CCDC171: variants seen among roughly 807,000 people sequenced by gnomAD.
CCDC171 encodes the protein coiled-coil domain containing 171, also known as coiled-coil domain-containing protein 171.
A neutral mutation model predicts 168.2 loss-of-function variants in CCDC171; 177 were observed. The ratio of observed to expected loss-of-function variants is 1.05; its 90% CI spans 0.93 to 1.19. The LOEUF (loss-of-function observed/expected upper bound fraction) is 1.19, where lower values mean the gene tolerates loss of function less well. Among genes scored for constraint, CCDC171 ranks in the 50% most tolerant of loss-of-function variants. The pLI, the probability that CCDC171 is intolerant of heterozygous loss-of-function variation, is 0.00. For missense variants in CCDC171, 1,991 were observed against 1,539.0 expected (o/e 1.29, Z -4.91); for synonymous variants, 687 against 540.8 (o/e 1.27, Z -3.75).
chr9:15,783,378 AT>A (rs1238802062), intron 20 of CCDC171, among the ~76,000 whole-genome samples: 2 of 152,120 alleles, frequency 1.3e-5, no homozygotes, highest in Admixed American at 6.5e-5. Context: ...AATCAAAAGG[AT>A]TTTTTTCACT....
intron 21 of CCDC171, among the ~76,000 whole-genome samples, chr9:15,825,257 A>G (rs1304971832): frequency 6.6e-6 from 1 of 152,150 alleles, no homozygotes; most frequent in Middle Eastern, 3.2e-3. Flanking sequence ...AACTAAAAAT[A>G]TAGACAAGGA....
chr9:15,835,976 T>C (rs2060429318), intron 21 of CCDC171, among the ~76,000 whole-genome samples: 2 of 152,166 alleles, frequency 1.3e-5, no homozygotes, highest in Non-Finnish European at 2.9e-5. Flanking sequence ...ATTATTTTTC[T>C]ATAATGTCCT....
intron 3 of CCDC171, among the ~76,000 whole-genome samples, chr9:15,991,190 A>G (rs984844875): frequency 3.9e-5 from 6 of 152,234 alleles, no homozygotes; most frequent in African/African-American, 1.4e-4. Context: ...AGCACTCCAC[A>G]GCAAATTTAA....
At chr9:15,778,617 G>A (rs1229769764) in intron 19 of CCDC171, among the ~76,000 whole-genome samples, 2 of 100,588 alleles carry the variant, frequency 2.0e-5, no homozygotes, top group African/African-American at 3.4e-5. Flanking sequence ...CTGTACTCCA[G>A]CCTGGCCTAC....
intron 24 of CCDC171, among the ~76,000 whole-genome samples, chr9:15,880,575 G>C (rs539008916): frequency 1.3e-5 from 2 of 149,602 alleles, no homozygotes; most frequent in South Asian, 4.2e-4. Context: ...TCCTGCCTCA[G>C]ACTCCTGAGT....
At chr9:15,902,475 T>C (rs1371834133) in intron 24 of CCDC171, among the ~76,000 whole-genome samples, 1 of 152,202 alleles carries the variant, frequency 6.6e-6, no homozygotes, top group Non-Finnish European at 1.5e-5. Context: ...TAGGTAGTAT[T>C]GAAACATGAA....
chr9:15,892,669 T>C (rs1198392635), intron 24 of CCDC171, among the ~76,000 whole-genome samples: 1 of 152,010 alleles, frequency 6.6e-6, no homozygotes, highest in Non-Finnish European at 1.5e-5. Flanking sequence ...CATGAATGAA[T>C]TTCCATTCAC....
chr9:15,829,210 G>C (rs933009599), intron 21 of CCDC171, among the ~76,000 whole-genome samples: 7 of 152,156 alleles, frequency 4.6e-5, no homozygotes, highest in Admixed American at 3.3e-4. Context: ...GTTATAGCAG[G>C]AATCTGTATT....
At chr9:15,624,582 A>G (rs984740849) in intron 7 of CCDC171, among the ~76,000 whole-genome samples, 11 of 151,998 alleles carry the variant, frequency 7.2e-5, no homozygotes, top group Non-Finnish European at 1.5e-4. Context: ...CTGTCCTTGC[A>G]ATAGTTTGCT....
intron 23 of CCDC171, among the ~76,000 whole-genome samples, chr9:15,866,587 A>C (rs2061797529): frequency 6.6e-6 from 1 of 152,048 alleles, no homozygotes; most frequent in African/African-American, 2.4e-5. Flanking sequence ...TTTTGGAAAT[A>C]CTGAATGTAA....
At chr9:16,103,462 T>A in the CCDC171 span, among the ~76,000 whole-genome samples, 4 of 152,242 alleles carry the variant, frequency 2.6e-5, no homozygotes, top group Non-Finnish European at 5.9e-5. Context: ...TGAGGGATAC[T>A]GGCATAAAAG....
the CCDC171 span, among the ~76,000 whole-genome samples, chr9:16,089,120 C>G: frequency 6.6e-6 from 1 of 152,072 alleles, no homozygotes; most frequent in Non-Finnish European, 1.5e-5. Flanking sequence ...AAAATATTCC[C>G]TATTTAATAA....
chr9:15,888,508 C>T (rs1055895813), intron 24 of CCDC171, among the ~76,000 whole-genome samples: 5 of 152,188 alleles, frequency 3.3e-5, no homozygotes, highest in Admixed American at 6.5e-5. Context: ...TTATTTACAC[C>T]ATTTAATTTT....
intron 16 of CCDC171, among the ~76,000 whole-genome samples, chr9:15,740,922 G>T (rs1358674144): frequency 6.6e-6 from 1 of 152,112 alleles, no homozygotes; most frequent in African/African-American, 2.4e-5. Context: ...GATGAGTTAG[G>T]CTGTTGAAGT....
chr9:15,923,519 G>C (rs1230370798), intron 25 of CCDC171, among the ~76,000 whole-genome samples: 1 of 151,284 alleles, frequency 6.6e-6, no homozygotes, highest in Non-Finnish European at 1.5e-5. Flanking sequence ...GAGCAATGGG[G>C]AGATGTTGGT....
intron 7 of CCDC171, among the ~76,000 whole-genome samples, chr9:15,651,408 C>G (rs1432730905): frequency 6.6e-6 from 1 of 151,314 alleles, no homozygotes; most frequent in Non-Finnish European, 1.5e-5. Context: ...CGTGCCTGGC[C>G]TATAGTTTTT....
intron 3 of CCDC171, among the ~76,000 whole-genome samples, chr9:15,994,428 C>T (rs1215503220): frequency 6.6e-6 from 1 of 152,024 alleles, no homozygotes; most frequent in Non-Finnish European, 1.5e-5. Flanking sequence ...ACACACCAGG[C>T]CTGTCATGGG....
At chr9:16,034,445 G>A (rs1833426705) in intron 6 of CCDC171, among the ~76,000 whole-genome samples, 1 of 152,182 alleles carries the variant, frequency 6.6e-6, no homozygotes, top group South Asian at 2.1e-4. Context: ...TTACTTCATT[G>A]TGGGAAGGGA....
chr9:15,713,013 C>T (rs2052791503), intron 11 of CCDC171, among the ~76,000 whole-genome samples: 1 of 152,194 alleles, frequency 6.6e-6, no homozygotes, highest in Non-Finnish European at 1.5e-5. Flanking sequence ...AGAAGTCTGT[C>T]CACATATTCT....
Sources: allele counts gnomAD v4.1 joint callset (sites outside exome capture counted in the v4.1 genomes callset), GRCh38; gene constraint gnomAD v4.1.1; transcripts MANE v1.5; gene names NCBI Gene and HGNC (gene_info 2026-07-23, HGNC 2026-07-21).